The following TRPC4AP variants were observed in gnomAD, a reference collection of about 807,000 sequenced individuals.
TRPC4AP encodes transient receptor potential cation channel subfamily C member 4 associated protein, also known as short transient receptor potential channel 4-associated protein.
Under a neutral mutation model 99.0 loss-of-function variants are expected in TRPC4AP, and 45 were observed. The observed-to-expected ratio is 0.45, with a 90% confidence interval of 0.36 to 0.58. TRPC4AP has a LOEUF of 0.58. Among genes scored for constraint, TRPC4AP ranks in the 20% least tolerant of loss-of-function variants. TRPC4AP has a pLI of 0.00. For synonymous variants in TRPC4AP, 408 were observed against 385.8 expected (o/e 1.06, Z -0.67); for missense variants, 879 against 985.3 (o/e 0.89, Z 1.44).
chr20:35,066,089 G>A (rs527808494), intron 3 of TRPC4AP, among the ~76,000 whole-genome samples: 3 of 152,052 alleles, frequency 2.0e-5, no homozygotes, highest in African/African-American at 7.2e-5. Flanking sequence ...GAAGTATAAC[G>A]TGATACCGCA....
In TRPC4AP at chr20:35,002,873, C is replaced by T. The variant is rs1750532919; in HGVS notation, c.*273G>A. 4.9e-6 allele frequency: 2 copies of T among 405,536 alleles called. No individual in the cohort carries two copies. The highest frequency in any genetic ancestry group is 6.2e-5 in the South Asian group (2 of 32,072). The allele number at this position is 405,536 out of a possible 1,614,324, so 25.1% of individuals were successfully genotyped here. A position where few individuals can be genotyped will look rare whatever the true frequency, so the allele number is the denominator to read the frequency against. On this transcript the variant is annotated 3_prime_UTR_variant, in exon 19 of 19. Coordinates refer to ENST00000252015, the MANE Select transcript of TRPC4AP (RefSeq NM_015638.3). ...ACACAGAGCTAATGCTAAATGTCCTCTTACCTCTGGGTGGCCCTGGGCCCC... is the reference window on the plus strand; with the variant it reads ...ACACAGAGCTAATGCTAAATGTCCTTTTACCTCTGGGTGGCCCTGGGCCCC...
At chr20:35,045,517 C>G (rs759335732) in intron 6 of TRPC4AP, among the ~76,000 whole-genome samples, 1 of 152,036 alleles carries the variant, frequency 6.6e-6, no homozygotes, top group Non-Finnish European at 1.5e-5. Context: ...ACTACAGGTG[C>G]GTGTCATTAC....
intron 17 of TRPC4AP, 86 bp downstream of exon 17, chr20:35,004,372 G>C (rs911900550): frequency 2.1e-5 from 24 of 1,163,024 alleles, no homozygotes; most frequent in Admixed American, 6.0e-5. Context: ...CTTCTGGAGT[G>C]GGGGACAGAA....
chr20:35,044,981 G>A (rs2083526684), intron 6 of TRPC4AP, among the ~76,000 whole-genome samples: 1 of 151,840 alleles, frequency 6.6e-6, no homozygotes, highest in Non-Finnish European at 1.5e-5. Flanking sequence ...GTTTTCAATT[G>A]TTCTTGTGGT....
intron 5 of TRPC4AP, among the ~76,000 whole-genome samples, chr20:35,051,049 C>CACAG (rs1209579553): frequency 6.6e-6 from 1 of 151,506 alleles, no homozygotes; most frequent in African/African-American, 2.4e-5. Flanking sequence ...CACACACACA[C>CACAG]ACACACACAC....
chr20:35,059,655 C>T (rs1022508728), intron 3 of TRPC4AP, among the ~76,000 whole-genome samples: 2 of 149,924 alleles, frequency 1.3e-5, no homozygotes, highest in Admixed American at 1.4e-4. Context: ...GAGACTCCAT[C>T]TCTTTAAAAG....
At chr20:35,031,559 C>A (rs2083196595) in intron 8 of TRPC4AP, among the ~76,000 whole-genome samples, 1 of 151,722 alleles carries the variant, frequency 6.6e-6, no homozygotes, top group African/African-American at 2.4e-5. Flanking sequence ...TACCATGTGT[C>A]TGCATGTGGA....
At chr20:35,024,548 G>A (rs908859805) in intron 8 of TRPC4AP, among the ~76,000 whole-genome samples, 2 of 152,064 alleles carry the variant, frequency 1.3e-5, no homozygotes, top group African/African-American at 2.4e-5. Flanking sequence ...TTCTGGCTTG[G>A]TACAGTGGCT....
At chr20:35,019,820 C>A (rs761939295) in intron 9 of TRPC4AP, among the ~76,000 whole-genome samples, 1 of 152,146 alleles carries the variant, frequency 6.6e-6, no homozygotes, top group African/African-American at 2.4e-5. Context: ...GTTTTAAATA[C>A]AACCATATGC....
chr20:35,012,207 A>G (rs1425663180), intron 11 of TRPC4AP, among the ~76,000 whole-genome samples: 1 of 152,252 alleles, frequency 6.6e-6, no homozygotes, highest in East Asian at 1.9e-4. Context: ...GGTGCATATG[A>G]TGGAGGTGCC....
intron 8 of TRPC4AP, among the ~76,000 whole-genome samples, chr20:35,027,462 C>A (rs964137713): frequency 6.6e-6 from 1 of 152,106 alleles, no homozygotes; most frequent in South Asian, 2.1e-4. Context: ...GATTTTTGCA[C>A]CTATAATCAT....
chr20:35,078,308 C>A, intron 1 of TRPC4AP, 134 bp from the exon 2 acceptor site: 4 of 875,946 alleles, frequency 4.6e-6, no homozygotes, highest in Non-Finnish European at 6.8e-6. Flanking sequence ...CTATAAAAAG[C>A]CTCTTTCTAT....
intron 1 of TRPC4AP, among the ~76,000 whole-genome samples, chr20:35,088,080 C>T (rs758243870): frequency 2.0e-5 from 3 of 152,142 alleles, no homozygotes; most frequent in Non-Finnish European, 2.9e-5. Flanking sequence ...ACTTAGGATC[C>T]GTCAGCGTAT....
chr20:35,024,757 G>A (rs919310486), intron 8 of TRPC4AP, among the ~76,000 whole-genome samples: 1 of 146,102 alleles, frequency 6.8e-6, no homozygotes, highest in East Asian at 2.1e-4. Flanking sequence ...GAGCCTGGGA[G>A]GTCAGGGCTG....
intron 1 of TRPC4AP, among the ~76,000 whole-genome samples, chr20:35,079,712 G>A (rs2084578785): frequency 6.6e-6 from 1 of 152,112 alleles, no homozygotes; most frequent in Non-Finnish European, 1.5e-5. Context: ...CTGACTCCAT[G>A]GACTTCGAAG....
At chr20:35,021,834 A>T (rs1379457094) in intron 8 of TRPC4AP, among the ~76,000 whole-genome samples, 1 of 152,188 alleles carries the variant, frequency 6.6e-6, no homozygotes, top group African/African-American at 2.4e-5. Flanking sequence ...TTAAAAGAAG[A>T]ACCATCTAAA....
intron 8 of TRPC4AP, among the ~76,000 whole-genome samples, chr20:35,028,095 T>A (rs1425732518): frequency 6.6e-6 from 1 of 152,212 alleles, no homozygotes; most frequent in East Asian, 1.9e-4. Context: ...TTTAGGCAAT[T>A]TAGATTTATT....
intron 6 of TRPC4AP, among the ~76,000 whole-genome samples, chr20:35,045,639 A>C (rs1160669793): frequency 6.6e-6 from 1 of 152,104 alleles, no homozygotes; most frequent in African/African-American, 2.4e-5. Flanking sequence ...CCTGGGTTCA[A>C]GTGATTCTCC....
intron 13 of TRPC4AP, among the ~76,000 whole-genome samples, chr20:35,008,337 G>A (rs1305189856): frequency 2.0e-5 from 3 of 152,164 alleles, no homozygotes; most frequent in Non-Finnish European, 4.4e-5. Flanking sequence ...GGCCAACCCT[G>A]GCTCCATTCC....
Sources: gnomAD v4.1 joint callset for allele counts (sites outside exome capture counted in the v4.1 genomes callset) on GRCh38, gnomAD v4.1.1 for gene constraint, MANE v1.5 for transcripts, NCBI Gene and HGNC (gene_info 2026-07-23, HGNC 2026-07-21) for gene names.